The following ITSN1 variants were observed in gnomAD, a reference collection of about 807,000 sequenced individuals.
ITSN1 encodes intersectin-1.
A neutral mutation model predicts 239.8 loss-of-function variants in ITSN1; 58 were observed. The observed-to-expected ratio is 0.24, with a 90% CI of 0.20 to 0.30. The LOEUF is 0.30. Among genes scored for constraint, ITSN1 ranks in the 10% least tolerant of loss-of-function variants. The pLI, the probability that ITSN1 is intolerant of heterozygous loss-of-function variation, is 1.00. For missense variants in ITSN1, 1,558 were observed against 2,103.3 expected (o/e 0.74, Z 5.07); for synonymous variants, 780 against 770.8 (o/e 1.01, Z -0.20).
In ITSN1 at chr21:33,893,454, G is replaced by A. The variant is rs1986498643; in HGVS notation, c.*5154G>A. 6.6e-6 allele frequency: 1 copy of A among 152,170 alleles called. No individual in the cohort carries two copies. Among genetic ancestry groups the A allele is most frequent in the African/African-American group, 2.4e-5 (1 of 41,428 alleles). 9.4% of individuals were successfully genotyped at this position (152,170 alleles called of 1,614,324 possible). ...AAAATACAAAAATTAGCCAGGGGTG[G>A]TGGCAGGCACCTGTAATCCCAGCTA... On this transcript the variant is annotated 3_prime_UTR_variant, in exon 40 of 40. Coordinates refer to ENST00000381318, the MANE Select transcript of ITSN1 (RefSeq NM_003024.3).
At chr21:33,880,955 G>A (rs776102013) in intron 34 of ITSN1, among the ~76,000 whole-genome samples, 4 of 152,082 alleles carry the variant, frequency 2.6e-5, no homozygotes, top group Non-Finnish European at 4.4e-5. Context: ...ATGGACCCCC[G>A]AGAGGTGTTA....
At chr21:33,644,045 A>T (rs968171748) in intron 1 of ITSN1, 1 of 152,242 alleles carries the variant, frequency 6.6e-6, no homozygotes, top group African/African-American at 2.4e-5. Flanking sequence ...AAACCCCCAA[A>T]ATATGAATAG....
chr21:33,721,019 A>C (rs1033466625), intron 2 of ITSN1, among the ~76,000 whole-genome samples, 159 bp from the exon 3 acceptor site: 17 of 152,118 alleles, frequency 1.1e-4, no homozygotes, highest in African/African-American at 4.1e-4. Flanking sequence ...ACACTTTTCT[A>C]ACTTTATATG....
intron 9 of ITSN1, among the ~76,000 whole-genome samples, chr21:33,765,130 A>G (rs573229634): frequency 2.0e-5 from 3 of 152,348 alleles, no homozygotes; most frequent in Non-Finnish European, 4.4e-5. Flanking sequence ...ATTCAGTATG[A>G]TAAGGATTGT....
intron 22 of ITSN1, 128 bp downstream of exon 22, chr21:33,814,200 T>A: frequency 1.0e-6 from 1 of 965,380 alleles, no homozygotes; most frequent in Non-Finnish European, 1.5e-6. Flanking sequence ...GCTGGCAGTA[T>A]GGGAATCCAG....
At chr21:33,661,308 G>T (rs1020302870) in intron 1 of ITSN1, among the ~76,000 whole-genome samples, 6 of 152,042 alleles carry the variant, frequency 3.9e-5, no homozygotes, top group African/African-American at 1.5e-4. Flanking sequence ...GGACATTGTT[G>T]TTTGGTGTAG....
intron 1 of ITSN1, among the ~76,000 whole-genome samples, chr21:33,648,742 C>A (rs1461248217): frequency 6.6e-6 from 1 of 151,980 alleles, no homozygotes; most frequent in East Asian, 1.9e-4. Flanking sequence ...ACTAGGGAGG[C>A]TGAGGTGGGA....
intron 4 of ITSN1, among the ~76,000 whole-genome samples, chr21:33,725,120 ATTTTTTTTTTTTGTTT>A (rs1173762619): frequency 8.4e-6 from 1 of 118,740 alleles, no homozygotes; most frequent in African/African-American, 3.4e-5. Flanking sequence ...AAAAAAAAAA[ATTTTTTTTTTTTGTTT>A]TTTTTTTTTT....
chr21:33,645,729 A>C (rs755476157), intron 1 of ITSN1, among the ~76,000 whole-genome samples: 3 of 152,204 alleles, frequency 2.0e-5, no homozygotes, highest in Non-Finnish European at 4.4e-5. Flanking sequence ...AGACAGCTAG[A>C]GGTGGGGCCC....
intron 12 of ITSN1, chr21:33,774,518 G>A (rs1602152988): frequency 1.8e-5 from 8 of 451,390 alleles, no homozygotes; most frequent in Non-Finnish European, 2.7e-5. Context: ...ATAGTATTAT[G>A]TAAATATAAT....
rs142688757 is a variant in ITSN1 at position 33,895,493 on chromosome 21, ATG to A, written c.*7200_*7201del. The A allele has an allele frequency of 0.011, 1,517 of 142,514 alleles. 10 individuals are homozygous for A. The highest frequency in any genetic ancestry group is 0.022 in the Middle Eastern group (6 of 270). 8.8% of individuals were successfully genotyped at this position (142,514 alleles called of 1,614,324 possible). On this transcript the variant is annotated 3_prime_UTR_variant, in exon 40 of 40. Coordinates refer to ENST00000381318, the MANE Select transcript of ITSN1 (RefSeq NM_003024.3). ...TGTGTGCATGGGTTTGCGTGCATGC[ATG>A]TGTGTGCGTGCGCGTGTTTGTGTGT...
At chr21:33,837,688 G>A (rs989086449) in intron 29 of ITSN1, 97 of 985,726 alleles carry the variant, frequency 9.8e-5, no homozygotes, top group Non-Finnish European at 1.1e-4. Flanking sequence ...TTCTTTCCAT[G>A]GCAAAGCTAT....
intron 11 of ITSN1, 111 bp downstream of exon 11, chr21:33,767,939 G>T: frequency 1.7e-6 from 1 of 598,484 alleles, no homozygotes; most frequent in Non-Finnish European, 2.9e-6. Flanking sequence ...TGACATTTTT[G>T]CCTTGTAACT....
Position 33,865,301 on chromosome 21 carries a change from G to C in ITSN1, c.4041G>C (p.Thr1347=). 6.3e-7 allele frequency: 1 copy of C among 1,588,294 alleles called. No homozygotes were observed. The highest frequency in any genetic ancestry group is 8.6e-7 in the Non-Finnish European group (1 of 1,167,568). Residue 1347 remains threonine (T), a synonymous_variant, in exon 32 of 40, where the codon ACG becomes ACC. Coordinates refer to ENST00000381318, the MANE Select transcript of ITSN1 (RefSeq NM_003024.3). The surrounding 1 kb of genome is among the most constrained non-coding windows in gnomAD (Gnocchi z 4.4). ...GGGCTGCCCTGATCCAGCAGAAGAC[G>C]GATGAGGCCCCAGACTTCAAGGAGT... ...LNGAALIQQK[T]DEAPDFKEFV...
chr21:33,680,900 G>A (rs2090909566), intron 1 of ITSN1, among the ~76,000 whole-genome samples: 1 of 152,216 alleles, frequency 6.6e-6, no homozygotes, highest in South Asian at 2.1e-4. Context: ...TCAAAGTTTA[G>A]TCGGGTATAT....
chr21:33,749,445 C>A (rs2067403042), intron 5 of ITSN1, among the ~76,000 whole-genome samples: 1 of 152,022 alleles, frequency 6.6e-6, no homozygotes. Flanking sequence ...GAGTTTGAGA[C>A]CATCCTGGCC....
At chr21:33,643,372 C>G (rs1237704864) in intron 1 of ITSN1, 1 of 152,220 alleles carries the variant, frequency 6.6e-6, no homozygotes, top group African/African-American at 2.4e-5. Flanking sequence ...TCTTACGCAC[C>G]GACACGGTTT....
At chr21:33,680,498 A>G (rs2090884163) in intron 1 of ITSN1, among the ~76,000 whole-genome samples, 1 of 151,790 alleles carries the variant, frequency 6.6e-6, no homozygotes, top group African/African-American at 2.4e-5. Context: ...CACCCGGCTA[A>G]TTTTTGTGTT....
At chr21:33,814,121 C>T (rs1436454890) in intron 22 of ITSN1, 49 bp downstream of exon 22, 1 of 1,571,678 alleles carries the variant, frequency 6.4e-7, no homozygotes, top group African/African-American at 1.4e-5. Context: ...TATCTAGTGC[C>T]AAAAACTTCA....
Sources: gnomAD v4.1 joint callset for allele counts (sites outside exome capture counted in the v4.1 genomes callset) on GRCh38, gnomAD v4.1.1 for gene constraint, Gnocchi (gnomAD v3.1) non-coding constraint, MANE v1.5 for transcripts, NCBI Gene and HGNC (gene_info 2026-07-23, HGNC 2026-07-21) for gene names.